The following KDM2A variants were observed in gnomAD, a reference collection of about 807,000 sequenced individuals.
KDM2A encodes lysine-specific demethylase 2A.
A neutral mutation model predicts 137.3 loss-of-function variants in KDM2A; 3 were observed. The observed-to-expected ratio is 0.02, with a 90% confidence interval of 0.01 to 0.06. The LOEUF (loss-of-function observed/expected upper bound fraction) is 0.06, where lower values mean the gene tolerates loss of function less well. Among genes scored for constraint, KDM2A ranks in the 10% least tolerant of loss-of-function variants. The pLI is 1.00. For missense variants in KDM2A, 738 were observed against 1,510.6 expected, an observed-to-expected ratio of 0.49 and a Z score of 8.48; for synonymous variants, 512 against 541.5, an observed-to-expected ratio of 0.95 and a Z score of 0.76.
At chr11:67,225,980 G>A (rs1258194714) in intron 10 of KDM2A, among the ~76,000 whole-genome samples, 4 of 152,078 alleles carry the variant, frequency 2.6e-5, no homozygotes, top group Admixed American at 6.6e-5. Context: ...CAGGAGAATC[G>A]CTTGAACCCA....
At chr11:67,239,997 C>G (rs778635524) in intron 12 of KDM2A, 24 of 1,247,750 alleles carry the variant, frequency 1.9e-5, no homozygotes, top group Admixed American at 1.1e-4. Flanking sequence ...CGGCTGGGCC[C>G]TCTGCCTGGC....
At chr11:67,157,311 C>A (rs1203221574) in intron 2 of KDM2A, among the ~76,000 whole-genome samples, 3 of 142,786 alleles carry the variant, frequency 2.1e-5, no homozygotes, top group Admixed American at 6.9e-5. Flanking sequence ...AGCAAGACTC[C>A]CGTCTCAAAA....
At chr11:67,136,749 G>A (rs958872380) in intron 2 of KDM2A, among the ~76,000 whole-genome samples, 4 of 152,120 alleles carry the variant, frequency 2.6e-5, no homozygotes, top group African/African-American at 9.7e-5. Context: ...TCCTAAGGTA[G>A]GAATGAGAAA....
chr11:67,121,263 G>C lies in KDM2A; in HGVS notation c.-54G>C, dbSNP rs1471911634. The C allele has an allele frequency of 1.4e-6, 2 of 1,455,628 alleles. No homozygotes were observed. The highest frequency in any genetic ancestry group is 2.8e-5 in the African/African-American group (2 of 71,596). 90.2% of individuals were successfully genotyped at this position (1,455,628 alleles called of 1,614,324 possible). A position where few individuals can be genotyped will look rare whatever the true frequency, so the allele number is the denominator to read the frequency against. ...GCAATCTGGTTCCTAAGGAGGAAGA[G>C]GAAGGCAGCCCTGGAGTGGTTTCTT... On this transcript the variant is annotated 5_prime_UTR_variant, in exon 2 of 21. Transcript: ENST00000529006.
intron 6 of KDM2A, among the ~76,000 whole-genome samples, chr11:67,209,507 G>A (rs1259431777): frequency 2.6e-5 from 4 of 151,442 alleles, no homozygotes; most frequent in Non-Finnish European, 5.9e-5. Flanking sequence ...GCAGTGGCAC[G>A]ATCTTGGCTC....
chr11:67,149,084 T>C (rs551493546), intron 2 of KDM2A: 7 of 152,290 alleles, frequency 4.6e-5, no homozygotes, highest in African/African-American at 1.4e-4. Flanking sequence ...CAGATTTTTT[T>C]CCCCTGAAGC....
intron 5 of KDM2A, among the ~76,000 whole-genome samples, chr11:67,194,521 A>G (rs1857434237): frequency 6.6e-6 from 1 of 152,226 alleles, no homozygotes; most frequent in Non-Finnish European, 1.5e-5. Flanking sequence ...TCCCTGCATT[A>G]TTGAGTAAAT....
At chr11:67,242,363 A>G (rs907652284) in intron 12 of KDM2A, among the ~76,000 whole-genome samples, 1 of 152,162 alleles carries the variant, frequency 6.6e-6, no homozygotes, top group African/African-American at 2.4e-5. Context: ...GCCTTAGAAG[A>G]AAAGAGCCCT....
At chr11:67,202,073 G>C (rs1394659565) in intron 5 of KDM2A, among the ~76,000 whole-genome samples, 1 of 152,188 alleles carries the variant, frequency 6.6e-6, no homozygotes, top group Non-Finnish European at 1.5e-5. Context: ...ACTTTGAGGG[G>C]TTCAAGACTT....
chr11:67,192,032 A>AT (rs1857367205), intron 5 of KDM2A, among the ~76,000 whole-genome samples: 1 of 152,208 alleles, frequency 6.6e-6, no homozygotes, highest in East Asian at 1.9e-4. Context: ...GGAGAATATC[A>AT]TTAACAAAAT....
In KDM2A at chr11:67,225,675, C is replaced by T. The variant is rs574262266; in HGVS notation, c.958-2362C>T. Among the ~76,000 whole-genome samples the T allele has an allele frequency of 3.9e-5, 6 of 152,298 alleles. No individual in the cohort carries two copies. In the South Asian group the frequency reaches 1.2e-3, roughly 32 times the overall value. On this transcript the variant is annotated intron_variant, in intron 10 of 20. Coordinates refer to ENST00000529006, the MANE Select transcript of KDM2A (RefSeq NM_012308.3). Reference sequence around the variant, plus strand: ...ATCCCAGCTACTCGGGAGGCTGAGGCAGGAAAATCGCTTGAACTCAGAGGC... The same window carrying T: ...ATCCCAGCTACTCGGGAGGCTGAGGTAGGAAAATCGCTTGAACTCAGAGGC...
intron 5 of KDM2A, among the ~76,000 whole-genome samples, chr11:67,195,022 T>TA (rs1179619678): frequency 6.6e-6 from 1 of 152,104 alleles, no homozygotes; most frequent in Non-Finnish European, 1.5e-5. Context: ...TGTACAAACT[T>TA]ACCTTCAAAC....
At chr11:67,180,892 C>T (rs537207446) in intron 3 of KDM2A, among the ~76,000 whole-genome samples, 13 of 151,350 alleles carry the variant, frequency 8.6e-5, no homozygotes, top group Non-Finnish European at 1.8e-4. Context: ...GAACTCCTGA[C>T]CTGAGGTGAT....
intron 3 of KDM2A, chr11:67,180,493 G>T (rs975358211): frequency 4.0e-5 from 12 of 300,444 alleles, no homozygotes; most frequent in South Asian, 8.0e-5. Context: ...TCTATCCCTT[G>T]GTTTAAATTT....
chr11:67,189,373 G>A (rs1391764985), intron 5 of KDM2A, among the ~76,000 whole-genome samples: 12 of 152,190 alleles, frequency 7.9e-5, no homozygotes, highest in Admixed American at 7.9e-4. Flanking sequence ...AAAACTTATA[G>A]GGATCAGTGA....
At chr11:67,207,809 G>A in intron 6 of KDM2A, 121 bp downstream of exon 6, 1 of 697,318 alleles carries the variant, frequency 1.4e-6, no homozygotes, top group Non-Finnish European at 2.2e-6. Context: ...CAGATCGCTT[G>A]AGCTGAGGAG....
intron 3 of KDM2A, 103 bp downstream of exon 3, chr11:67,180,320 G>A (rs1857062397): frequency 1.7e-6 from 2 of 1,191,000 alleles, no homozygotes; most frequent in East Asian, 5.1e-5. Flanking sequence ...ATTGCCTGTT[G>A]ATGTTATCTA....
At chr11:67,182,243 G>A (rs1236713598) in intron 5 of KDM2A, among the ~76,000 whole-genome samples, 1 of 152,122 alleles carries the variant, frequency 6.6e-6, no homozygotes, top group Non-Finnish European at 1.5e-5. Flanking sequence ...CCCCTAAAAG[G>A]AGTAGAGAAA....
intron 2 of KDM2A, among the ~76,000 whole-genome samples, chr11:67,137,302 G>A (rs764410330): frequency 2.0e-5 from 3 of 152,232 alleles, no homozygotes; most frequent in Non-Finnish European, 2.9e-5. Flanking sequence ...CAGCAGAGTA[G>A]TAATGCGTTT....
Sources: allele counts gnomAD v4.1 joint callset (sites outside exome capture counted in the v4.1 genomes callset), GRCh38; gene constraint gnomAD v4.1.1; transcripts MANE v1.5; gene names NCBI Gene and HGNC (gene_info 2026-07-23, HGNC 2026-07-21).